Variants in ENPP3 observed in about 807,000 individuals in gnomAD.
ENPP3 encodes ectonucleotide pyrophosphatase/phosphodiesterase family member 3.
A neutral mutation model predicts 117.8 loss-of-function variants in ENPP3; 104 were observed. The observed-to-expected ratio is 0.88, with a 90% confidence interval of 0.75 to 1.04. The LOEUF (loss-of-function observed/expected upper bound fraction) is 1.04. Among genes scored for constraint, ENPP3 ranks in the 50% least tolerant of loss-of-function variants. The probability of loss-of-function intolerance (pLI) is 0.00; values close to 1 mark genes in which losing one functional copy is unlikely to be tolerated. For missense variants in ENPP3, 1,026 were observed against 1,051.9 expected, an observed-to-expected ratio of 0.98 and a Z score of 0.34; for synonymous variants, 380 against 349.9, an observed-to-expected ratio of 1.09 and a Z score of -0.96.
intron 15 of ENPP3, among the ~76,000 whole-genome samples, chr6:131,713,274 C>T (rs1325060214): frequency 6.7e-6 from 1 of 149,242 alleles, no homozygotes; most frequent in Non-Finnish European, 1.5e-5. Flanking sequence ...ATTACCCAGT[C>T]TTGGGTATGT....
At chr6:131,724,663 A>G (rs967025561) in intron 19 of ENPP3, among the ~76,000 whole-genome samples, 3 of 152,160 alleles carry the variant, frequency 2.0e-5, no homozygotes, top group Non-Finnish European at 4.4e-5. Flanking sequence ...TGAAGATTAC[A>G]TGAGTTAATA....
chr6:131,717,754 G>C (rs1585711462), intron 15 of ENPP3, among the ~76,000 whole-genome samples: 1 of 152,078 alleles, frequency 6.6e-6, no homozygotes, highest in Non-Finnish European at 1.5e-5. Context: ...GAATATACTA[G>C]CTTCTTTTTA....
rs34743742 is a variant in ENPP3 at position 131,688,896 on chromosome 6, CAAA to C, written c.1284+3008_1284+3010del. 3.0e-3 allele frequency among the ~76,000 whole-genome samples: 265 copies of C among 88,282 alleles called. 2 individuals carry two copies. Among genetic ancestry groups the C allele is most frequent in the African/African-American group, 8.3e-3 (229 of 27,624 alleles). 57.9% of individuals were successfully genotyped at this position (88,282 alleles called of 152,430 possible). A position where few individuals can be genotyped will look rare whatever the true frequency, so the allele number is the denominator to read the frequency against. On this transcript the variant is annotated intron_variant, in intron 14 of 24. Transcript: ENST00000357639. ...GTGAAACCCGTCTCTACTAAAAATC[CAAA>C]AAAAAAAAAAAAAAAAAATAGCCAG...
At chr6:131,668,116 ATATCT>A (rs1778655725) in intron 6 of ENPP3, among the ~76,000 whole-genome samples, 1 of 151,462 alleles carries the variant, frequency 6.6e-6, no homozygotes, top group South Asian at 2.1e-4. Flanking sequence ...ATTTGTACAG[ATATCT>A]TAATAATATT....
At chr6:131,746,264 G>A (rs879498162) in intron 24 of ENPP3, among the ~76,000 whole-genome samples, 7 of 151,994 alleles carry the variant, frequency 4.6e-5, no homozygotes, top group Non-Finnish European at 8.8e-5. Context: ...GCATTTAAAT[G>A]AGGAAATATC....
chr6:131,675,138 C>T lies in ENPP3; in HGVS notation c.821C>T (p.Ser274Leu). The T allele has an allele frequency of 6.2e-7, 1 of 1,613,766 alleles. No individual in the cohort carries two copies. ...GCCGCTACCTACTTTTGGCCCGGAT[C>T]AGAAGTGGCTATAAATGGCTCCTTT... The part of the protein sequence containing the change: ...LKAATYFWPG[S>L]EVAINGSFPS... The change falls in exon 9 of 25, where the codon TCA becomes TTA. Residue 274 changes from serine (S) to leucine (L), a missense_variant. By Grantham distance (145) the Ser-to-Leu change is moderately radical. Transcript: ENST00000357639.
Position 131,747,070 on chromosome 6 carries a change from C to A in ENPP3, c.*114C>A. Reference sequence around the variant, plus strand: ...AAGTTTTCTATTTTTCCTTAAGTCCCCTAAAAGCCATAATTTTTATTATTC... The same window carrying A: ...AAGTTTTCTATTTTTCCTTAAGTCCACTAAAAGCCATAATTTTTATTATTC... On this transcript the variant is annotated 3_prime_UTR_variant, in exon 25 of 25. Coordinates refer to ENST00000357639, the MANE Select transcript of ENPP3 (RefSeq NM_005021.5). The A allele has an allele frequency of 2.0e-6, 1 of 508,152 alleles. No homozygotes were observed. The highest frequency in any genetic ancestry group is 3.4e-6 in the Non-Finnish European group (1 of 298,060). The allele number at this position is 508,152 out of a possible 1,614,324, so 31.5% of individuals were successfully genotyped here.
chr6:131,713,399 G>A (rs1361267652), intron 15 of ENPP3, among the ~76,000 whole-genome samples: 1 of 149,802 alleles, frequency 6.7e-6, no homozygotes, highest in Non-Finnish European at 1.5e-5. Flanking sequence ...AAGCTATTTG[G>A]TGTCAAGTAG....
chr6:131,663,524 CAAA>C (rs766427836), intron 6 of ENPP3, among the ~76,000 whole-genome samples: 3 of 83,596 alleles, frequency 3.6e-5, no homozygotes, highest in Non-Finnish European at 2.5e-5. Context: ...CTGTCTCTAC[CAAA>C]AAAAAAAAAA....
chr6:131,745,061 G>T (rs1203553500), intron 24 of ENPP3, among the ~76,000 whole-genome samples: 1 of 152,124 alleles, frequency 6.6e-6, no homozygotes, highest in East Asian at 1.9e-4. Flanking sequence ...AGGGAAGACT[G>T]TCAGGTGCTG....
At chr6:131,667,538 A>C (rs1778643443) in intron 6 of ENPP3, among the ~76,000 whole-genome samples, 1 of 152,130 alleles carries the variant, frequency 6.6e-6, no homozygotes, top group Non-Finnish European at 1.5e-5. Context: ...GTTAGAAGCC[A>C]ATTTCTCAGA....
chr6:131,687,995 C>G (rs1420583475), intron 14 of ENPP3, among the ~76,000 whole-genome samples: 1 of 152,170 alleles, frequency 6.6e-6, no homozygotes, highest in Non-Finnish European at 1.5e-5. Context: ...TTTGTGGCAG[C>G]TCTGCACTGA....
intron 2 of ENPP3, among the ~76,000 whole-genome samples, chr6:131,642,351 A>T (rs542819245): frequency 3.9e-5 from 6 of 152,118 alleles, no homozygotes; most frequent in East Asian, 1.9e-4. Context: ...ATCTTCAAAA[A>T]TTTTTTTCTT....
At chr6:131,742,041 G>A (rs1371707620) in intron 24 of ENPP3, among the ~76,000 whole-genome samples, 2 of 152,088 alleles carry the variant, frequency 1.3e-5, no homozygotes, top group Non-Finnish European at 2.9e-5. Context: ...TTGACAGGGA[G>A]GGTGACATTT....
chr6:131,674,300 G>A lies in ENPP3; in HGVS notation c.762+19G>A, dbSNP rs756353699. ...GCAACCAGTATGTAGCATTCTACAC[G>A]TCGCAACTGAAGTAACCTCCATTTC... is the stretch of plus-strand genomic sequence containing the variant. On this transcript the variant is annotated intron_variant, in intron 8 of 24. Coordinates refer to ENST00000357639, the MANE Select transcript of ENPP3 (RefSeq NM_005021.5). The A allele has an allele frequency of 2.1e-5, 34 of 1,612,348 alleles. No individual in the cohort carries two copies. The highest frequency in any genetic ancestry group is 1.1e-4 in the African/African-American group (8 of 74,852).
chr6:131,660,013 A>T (rs906260679), intron 6 of ENPP3, among the ~76,000 whole-genome samples: 1 of 152,198 alleles, frequency 6.6e-6, no homozygotes, highest in African/African-American at 2.4e-5. Flanking sequence ...AAACATTTAA[A>T]ATATTTTTTA....
At chr6:131,701,796 T>G (rs1779538050) in intron 15 of ENPP3, among the ~76,000 whole-genome samples, 1 of 150,250 alleles carries the variant, frequency 6.7e-6, no homozygotes, top group Non-Finnish European at 1.5e-5. Flanking sequence ...GCAGGAGAAT[T>G]GCTTGATCCC....
At chr6:131,696,068 C>T (rs1489174436) in intron 15 of ENPP3, among the ~76,000 whole-genome samples, 4 of 152,182 alleles carry the variant, frequency 2.6e-5, no homozygotes, top group African/African-American at 2.4e-5. Context: ...CCCCTTTGTA[C>T]AATTAAAGCA....
At chr6:131,663,159 T>TC (rs1039190003) in intron 6 of ENPP3, among the ~76,000 whole-genome samples, 1 of 151,862 alleles carries the variant, frequency 6.6e-6, no homozygotes, top group African/African-American at 2.4e-5. Flanking sequence ...GGTTGCCTTT[T>TC]TTTTTTTTCT....
Sources: gnomAD v4.1 joint callset for allele counts (sites outside exome capture counted in the v4.1 genomes callset) on GRCh38, gnomAD v4.1.1 for gene constraint, MANE v1.5 for transcripts, NCBI Gene and HGNC (gene_info 2026-07-23, HGNC 2026-07-21) for gene names.